Variants in HTRA1 observed in about 807,000 individuals in gnomAD.
HTRA1 encodes serine protease HTRA1.
A neutral mutation model predicts 49.7 loss-of-function variants in HTRA1; 26 were observed. The observed-to-expected ratio is 0.52, with a 90% CI of 0.38 to 0.73. The LOEUF is 0.73. Ranked by LOEUF, HTRA1 falls within the 30% of genes least tolerant of loss-of-function variation. The probability of loss-of-function intolerance (pLI) is 0.00; values close to 1 mark genes in which losing one functional copy is unlikely to be tolerated. For synonymous variants in HTRA1, 291 were observed against 286.9 expected, an observed-to-expected ratio of 1.01 and a Z score of -0.14; for missense variants, 561 against 667.2, an observed-to-expected ratio of 0.84 and a Z score of 1.75.
At chr10:122,496,225 G>GTTTTTTTTTTTTT (rs1287521208) in intron 3 of HTRA1, among the ~76,000 whole-genome samples, 1,785 of 80,390 alleles carry the variant, frequency 0.022, 741 homozygotes, top group African/African-American at 0.03. Flanking sequence ...GAGATTGTGG[G>GTTTTTTTTTTTTT]TTCTTTTTTT....
chr10:122,502,643 G>A (rs755128253), intron 3 of HTRA1, among the ~76,000 whole-genome samples: 18 of 152,214 alleles, frequency 1.2e-4, no homozygotes, highest in Admixed American at 2.0e-4. Flanking sequence ...GCCAGTGGGC[G>A]TTTTTCTTCT....
rs2133441580 is a variant in HTRA1, at chr10:122,494,603, A to C, written c.777+4977A>C. ...TAAATATTTGGAAACGGCCTTGTTG[A>C]GGCTTGTGAGGTGGTTTTCCTCCCT... On this transcript the variant is annotated intron_variant, in intron 3 of 8. Transcript: ENST00000368984. This position sits in a 1 kb window ranked among gnomAD's most constrained non-coding sequence, Gnocchi z 4.0. Among the ~76,000 whole-genome samples, 1 of 152,212 alleles carries C rather than the reference A, an allele frequency of 6.6e-6. No individual in the cohort carries two copies. Among genetic ancestry groups the C allele is most frequent in the East Asian group, 1.9e-4 (1 of 5,142 alleles).
In HTRA1 at chr10:122,496,225, G is replaced by GTTTTTTTTTTTTTTTTTTTTTTTT. The variant is rs1287521208; in HGVS notation, c.777+6601_777+6602insTTTTTTTTTTTTTTTTTTTTTTTT. 7.7e-4 allele frequency among the ~76,000 whole-genome samples: 62 copies of GTTTTTTTTTTTTTTTTTTTTTTTT among 80,406 alleles called. 20 individuals carry two copies. Among genetic ancestry groups the GTTTTTTTTTTTTTTTTTTTTTTTT allele is most frequent in the African/African-American group, 1.1e-3 (22 of 19,658 alleles). 52.7% of individuals were successfully genotyped at this position (80,406 alleles called of 152,430 possible). A position where few individuals can be genotyped will look rare whatever the true frequency, so the allele number is the denominator to read the frequency against. On this transcript the variant is annotated intron_variant, in intron 3 of 8. Transcript: ENST00000368984. Reference sequence around the variant, plus strand: ...CCCTTTCGTTTGCCAGAGATTGTGGGTTCTTTTTTTTTTTTTTTTTTTTTT... The same window carrying GTTTTTTTTTTTTTTTTTTTTTTTT: ...CCCTTTCGTTTGCCAGAGATTGTGGGTTTTTTTTTTTTTTTTTTTTTTTTTTCTTTTTTTTTTTTTTTTTTTTTT...
intron 1 of HTRA1, among the ~76,000 whole-genome samples, chr10:122,472,840 C>G (rs2097486759): frequency 6.6e-6 from 1 of 152,138 alleles, no homozygotes; most frequent in Non-Finnish European, 1.5e-5. Flanking sequence ...TAGGGTCATT[C>G]TCTTAGGAGA....
At chr10:122,503,151 A>G (rs748670745) in intron 3 of HTRA1, among the ~76,000 whole-genome samples, 30 of 152,234 alleles carry the variant, frequency 2.0e-4, no homozygotes, top group Non-Finnish European at 3.8e-4. Flanking sequence ...TGGGGACAGC[A>G]GTGCAGAGGC....
chr10:122,473,217 G>A (rs964045403), intron 1 of HTRA1, among the ~76,000 whole-genome samples: 1 of 152,210 alleles, frequency 6.6e-6, no homozygotes, highest in African/African-American at 2.4e-5. Flanking sequence ...AGTCTCACCT[G>A]GGAGGGGCTT....
chr10:122,462,215 C>T (rs1173819370), intron 1 of HTRA1, 91 bp downstream of exon 1: 104 of 1,160,280 alleles, frequency 9.0e-5, no homozygotes, highest in Non-Finnish European at 1.1e-4. Flanking sequence ...TGAGGGGCAG[C>T]GAAGCGTTGT....
At chr10:122,463,874 T>C (rs1362497204) in intron 1 of HTRA1, among the ~76,000 whole-genome samples, 2 of 152,174 alleles carry the variant, frequency 1.3e-5, no homozygotes, top group Non-Finnish European at 2.9e-5. Context: ...ACACAAAGCC[T>C]AAGACTTGTT....
At chr10:122,466,694 T>G (rs190964433) in intron 1 of HTRA1, among the ~76,000 whole-genome samples, 11 of 152,336 alleles carry the variant, frequency 7.2e-5, no homozygotes, top group Non-Finnish European at 1.3e-4. Flanking sequence ...AGAGTCATTT[T>G]CACTATTGGC....
intron 1 of HTRA1, among the ~76,000 whole-genome samples, chr10:122,468,408 A>G (rs755240926): frequency 3.9e-5 from 1 of 25,764 alleles, no homozygotes; most frequent in South Asian, 1.3e-3. Context: ...CATTGTCATC[A>G]TCATCATCAT....
chr10:122,504,417 C>G (rs1208316536), intron 3 of HTRA1, among the ~76,000 whole-genome samples: 6 of 152,194 alleles, frequency 3.9e-5, no homozygotes, highest in African/African-American at 9.7e-5. Context: ...CCACAGCAAG[C>G]CCTGCCTCGT....
chr10:122,507,433 T>C, intron 5 of HTRA1, 31 bp downstream of exon 5: 7 of 1,560,626 alleles, frequency 4.5e-6, no homozygotes, highest in Non-Finnish European at 6.2e-6. Flanking sequence ...GTTAGGTCAT[T>C]TGTTTTTATC....
At chr10:122,477,724 G>T (rs1418535041) in intron 1 of HTRA1, among the ~76,000 whole-genome samples, 8 of 152,298 alleles carry the variant, frequency 5.3e-5, no homozygotes, top group African/African-American at 1.9e-4. Flanking sequence ...ACATAGCTGT[G>T]GGGGCCCAGC....
chr10:122,467,444 G>A (rs2097484217), intron 1 of HTRA1, among the ~76,000 whole-genome samples: 1 of 152,212 alleles, frequency 6.6e-6, no homozygotes, highest in Non-Finnish European at 1.5e-5. Flanking sequence ...ACAAGTCTTT[G>A]AGGAGGTTGT....
intron 7 of HTRA1, among the ~76,000 whole-genome samples, chr10:122,510,378 G>A (rs539225559): frequency 6.6e-6 from 1 of 152,360 alleles, no homozygotes; most frequent in East Asian, 1.9e-4. Context: ...TTCACTGGCA[G>A]CAGGCCCTCC....
chr10:122,488,902 G>T lies in HTRA1; in HGVS notation c.473G>T (p.Gly158Val), dbSNP rs778641895. 1 of 1,613,222 alleles carries T rather than the reference G, an allele frequency of 6.2e-7. No homozygotes were observed. Among genetic ancestry groups the T allele is most frequent in the South Asian group, 1.1e-5 (1 of 91,066 alleles). The change falls in exon 2 of 9, where the codon GGG becomes GTG. Residue 158 changes from glycine (G) to valine (V), a missense_variant and splice_region_variant. Transcript: ENST00000368984. ...ATCTATTCTTTGCTTTTGTTCTCAG[G>T]GCAGGAAGATCCCAACAGTTTGCGC... is the stretch of plus-strand genomic sequence containing the variant. Reference protein sequence around the residue: ...IVLQRGACGQGQEDPNSLRHK... With the variant: ...IVLQRGACGQVQEDPNSLRHK...
chr10:122,511,712 G>A (rs1455595711), intron 7 of HTRA1, among the ~76,000 whole-genome samples: 1 of 146,416 alleles, frequency 6.8e-6, no homozygotes, highest in Admixed American at 6.9e-5. Context: ...CAGCCTGGGC[G>A]ACAGAGCAAG....
chr10:122,479,341 C>T (rs927107718), intron 1 of HTRA1, among the ~76,000 whole-genome samples: 1 of 152,064 alleles, frequency 6.6e-6, no homozygotes, highest in Non-Finnish European at 1.5e-5. Context: ...GGGTTAGGCT[C>T]TTGCTTTTGC....
In HTRA1 at chr10:122,514,295, T is replaced by C. The variant is rs2097506966; in HGVS notation, c.1379T>C (p.Met460Thr). Residue 460 changes from methionine (M) to threonine (T), a missense_variant, in exon 9 of 9, where the codon ATG becomes ACG. By Grantham distance (81) the Met-to-Thr change is moderately conservative (BLOSUM62 -1). Around this residue, in one of 3 missense-constraint regions of HTRA1, gnomAD observed 179 missense variants for 173.4 expected, o/e 1.03. Transcript: ENST00000368984. ...ATTAAAAGGGAAAGCACCCTGAACATGGTGGTCCGCAGGGGTAATGAAGAT... is the reference window on the plus strand; with the variant it reads ...ATTAAAAGGGAAAGCACCCTGAACACGGTGGTCCGCAGGGGTAATGAAGAT... ...DVIKRESTLNMVVRRGNEDIM... is the reference protein window; with the variant it reads ...DVIKRESTLNTVVRRGNEDIM... The C allele has an allele frequency of 6.2e-7, 1 of 1,614,098 alleles. No individual in the cohort carries two copies.
Sources: allele counts gnomAD v4.1 joint callset (sites outside exome capture counted in the v4.1 genomes callset), GRCh38; gene constraint gnomAD v4.1.1; regional missense constraint gnomAD v4.1.1; non-coding constraint Gnocchi (gnomAD v3.1); transcripts MANE v1.5; gene names NCBI Gene and HGNC (gene_info 2026-07-23, HGNC 2026-07-21).